Variants in RBFOX3 observed in about 807,000 individuals in gnomAD.
RBFOX3 encodes RNA binding fox-1 homolog 3, also known as RNA binding protein fox-1 homolog 3.
Under a neutral mutation model 48.7 loss-of-function variants are expected in RBFOX3, and 17 were observed. The observed-to-expected ratio is 0.35, with a 90% CI of 0.24 to 0.52. The LOEUF (loss-of-function observed/expected upper bound fraction) is 0.52. Among genes scored for constraint, RBFOX3 ranks in the 20% least tolerant of loss-of-function variants. The pLI, the probability that RBFOX3 is intolerant of heterozygous loss-of-function variation, is 0.94. For missense variants in RBFOX3, 382 were observed against 497.5 expected (o/e 0.77, Z 2.21); for synonymous variants, 212 against 209.5 (o/e 1.01, Z -0.10).
intron 2 of RBFOX3, among the ~76,000 whole-genome samples, chr17:79,367,502 G>A (rs2057952369): frequency 6.6e-6 from 1 of 152,066 alleles, no homozygotes; most frequent in Non-Finnish European, 1.5e-5. Flanking sequence ...GAGCACTCAT[G>A]AGCTCTGGGC....
chr17:79,563,576 T>G (rs2092339086), intron 1 of RBFOX3, among the ~76,000 whole-genome samples: 3 of 152,266 alleles, frequency 2.0e-5, no homozygotes, highest in Non-Finnish European at 2.9e-5. Flanking sequence ...GCTAACAATC[T>G]GGGAAAAGAG....
chr17:79,644,299 T>G, the RBFOX3 span, among the ~76,000 whole-genome samples: 1 of 90,596 alleles, frequency 1.1e-5, no homozygotes, highest in Non-Finnish European at 2.5e-5. Flanking sequence ...GAAAATAAAG[T>G]AAAATCTTCC....
chr17:79,279,728 G>A (rs1185725799), intron 3 of RBFOX3, among the ~76,000 whole-genome samples: 2 of 152,322 alleles, frequency 1.3e-5, no homozygotes, highest in East Asian at 3.9e-4. Flanking sequence ...GCTCGTGGTT[G>A]CAGATGTAAA....
chr17:79,444,965 T>C (rs1333067211), intron 2 of RBFOX3, among the ~76,000 whole-genome samples: 3 of 152,038 alleles, frequency 2.0e-5, no homozygotes, highest in African/African-American at 7.2e-5. Context: ...AACCACAGAT[T>C]TTTCTGTTCT....
chr17:79,490,066 A>C (rs1158627878), intron 1 of RBFOX3, among the ~76,000 whole-genome samples: 1 of 151,918 alleles, frequency 6.6e-6, no homozygotes, highest in African/African-American at 2.4e-5. Flanking sequence ...TTTTTAAACC[A>C]CTCTTGTGAA....
In RBFOX3 at chr17:79,151,991, G is replaced by T. The variant is rs1050056720; in HGVS notation, c.-33-36243C>A. On this transcript the variant is annotated intron_variant, in intron 4 of 14. Coordinates refer to ENST00000693108, the MANE Select transcript of RBFOX3 (RefSeq NM_001350451.2). ...GAGCTCCCACATCCCCCATCCCCAA[G>T]GCCCCCTGTCCCGCAGGGGAGAACG... Among the ~76,000 whole-genome samples the T allele has an allele frequency of 2.1e-4, 32 of 151,784 alleles. 8 individuals carry two copies. Among genetic ancestry groups the T allele is most frequent in the Non-Finnish European group, 3.4e-4 (23 of 67,796 alleles).
chr17:79,238,323 G>A lies in RBFOX3; in HGVS notation c.-73-2518C>T, dbSNP rs148028993. 2.7e-4 allele frequency among the ~76,000 whole-genome samples: 41 copies of A among 152,330 alleles called. 1 individual carries two copies. In the East Asian group the frequency reaches 7.9e-3, roughly 29 times the overall value. ...TGATTCAATTGAATCCAGCCCCACTGAACAAACACACAGCCAGGCATTTGG... is the reference window on the plus strand; with the variant it reads ...TGATTCAATTGAATCCAGCCCCACTAAACAAACACACAGCCAGGCATTTGG... On this transcript the variant is annotated intron_variant, in intron 3 of 14. Transcript: ENST00000693108.
the RBFOX3 span, among the ~76,000 whole-genome samples, chr17:79,621,548 T>C: frequency 6.6e-6 from 1 of 152,242 alleles, no homozygotes; most frequent in Non-Finnish European, 1.5e-5. Flanking sequence ...GAGTTTGCAA[T>C]ACACTGAGTG....
At chr17:79,528,611 G>A (rs1322397027) in intron 1 of RBFOX3, among the ~76,000 whole-genome samples, 1 of 151,962 alleles carries the variant, frequency 6.6e-6, no homozygotes, top group Non-Finnish European at 1.5e-5. Flanking sequence ...TTTGGAGTAG[G>A]GTGGGCCCTA....
intron 3 of RBFOX3, among the ~76,000 whole-genome samples, chr17:79,291,627 G>A (rs1318286858): frequency 6.6e-6 from 1 of 152,196 alleles, no homozygotes; most frequent in Non-Finnish European, 1.5e-5. Flanking sequence ...TGCAGAGCCG[G>A]AATGGCTCAC....
chr17:79,599,414 T>C (rs2093650429), intron 1 of RBFOX3: 1 of 152,264 alleles, frequency 6.6e-6, no homozygotes, highest in Non-Finnish European at 1.5e-5. Context: ...GTGCCAAAGG[T>C]CATCCTCGCG....
chr17:79,258,624 G>C (rs1744478945), intron 3 of RBFOX3, among the ~76,000 whole-genome samples: 2 of 152,218 alleles, frequency 1.3e-5, no homozygotes, highest in Non-Finnish European at 2.9e-5. Flanking sequence ...CAGGGCCAAG[G>C]GAGGGTGGGA....
rs935380626 is a variant in RBFOX3 at position 79,487,131 on chromosome 17, A to G, written c.-319-4533T>C. Among the ~76,000 whole-genome samples the G allele has an allele frequency of 2.4e-4, 36 of 152,328 alleles. No individual in the cohort carries two copies. The Middle Eastern group carries it at 0.01, about 43-fold the overall frequency. ...AAGCCTCTGGGGATGAGGCATGTTCACCCAGCCTGGACAGGGGAAGATTGA... is the reference window on the plus strand; with the variant it reads ...AAGCCTCTGGGGATGAGGCATGTTCGCCCAGCCTGGACAGGGGAAGATTGA... On this transcript the variant is annotated intron_variant, in intron 1 of 14. Coordinates refer to ENST00000693108, the MANE Select transcript of RBFOX3 (RefSeq NM_001350451.2).
chr17:79,589,840 G>A (rs1455363421), intron 1 of RBFOX3, among the ~76,000 whole-genome samples: 1 of 152,210 alleles, frequency 6.6e-6, no homozygotes, highest in Non-Finnish European at 1.5e-5. Flanking sequence ...GGGGAGGGCT[G>A]TCAGTTCAAT....
intron 10 of RBFOX3, 36 bp from the exon 11 acceptor site, chr17:79,097,460 C>A: frequency 6.6e-7 from 1 of 1,508,394 alleles, no homozygotes; most frequent in Non-Finnish European, 8.9e-7. Flanking sequence ...GTGTGAGAGG[C>A]ACAAGGGGAC....
upstream of RBFOX3, among the ~76,000 whole-genome samples, chr17:79,614,701 C>T (rs2093987478): frequency 6.6e-6 from 1 of 152,058 alleles, no homozygotes; most frequent in Admixed American, 6.5e-5. Context: ...TTAAGGAGAA[C>T]ATTTAGAGAA....
chr17:79,613,257 G>A (rs2093981767), upstream of RBFOX3, among the ~76,000 whole-genome samples: 1 of 152,238 alleles, frequency 6.6e-6, no homozygotes, highest in African/African-American at 2.4e-5. Flanking sequence ...ACGCCCGGGT[G>A]GTAAACTGAA....
At chr17:79,370,754 C>T (rs914396959) in intron 2 of RBFOX3, among the ~76,000 whole-genome samples, 17 of 152,174 alleles carry the variant, frequency 1.1e-4, no homozygotes, top group African/African-American at 3.9e-4. Context: ...CACAGGCCTA[C>T]GCTCACATAC....
At chr17:79,463,084 C>T (rs1304846928) in intron 2 of RBFOX3, among the ~76,000 whole-genome samples, 9 of 146,784 alleles carry the variant, frequency 6.1e-5, no homozygotes, top group African/African-American at 2.3e-4. Context: ...CCTCCACCGA[C>T]TTTGCCACTG....
Sources: gnomAD v4.1 joint callset for allele counts (sites outside exome capture counted in the v4.1 genomes callset) on GRCh38, gnomAD v4.1.1 for gene constraint, MANE v1.5 for transcripts, NCBI Gene and HGNC (gene_info 2026-07-23, HGNC 2026-07-21) for gene names.